Variants in SLC15A4 observed in about 807,000 individuals in gnomAD.
SLC15A4 encodes the protein hPHT1.
SLC15A4 carries 26 observed loss-of-function variants against 46.1 expected under a neutral mutation model. The ratio of observed to expected loss-of-function variants is 0.56; its 90% CI spans 0.41 to 0.78. The LOEUF (loss-of-function observed/expected upper bound fraction) is 0.78, where lower values mean the gene tolerates loss of function less well. Ranked by LOEUF, SLC15A4 falls within the 30% of genes least tolerant of loss-of-function variation. The pLI is 0.00. For synonymous variants in SLC15A4, 370 were observed against 333.4 expected, an observed-to-expected ratio of 1.11 and a Z score of -1.20; for missense variants, 751 against 755.7, an observed-to-expected ratio of 0.99 and a Z score of 0.07.
At chr12:128,796,720 C>G (rs969301959) in intron 7 of SLC15A4, among the ~76,000 whole-genome samples, 8 of 152,366 alleles carry the variant, frequency 5.3e-5, no homozygotes, top group Non-Finnish European at 7.3e-5. Flanking sequence ...TCACTGCTGT[C>G]CCAACACTGG....
chr12:128,814,644 G>A (rs978447160), intron 2 of SLC15A4, 131 bp downstream of exon 2: 6 of 912,058 alleles, frequency 6.6e-6, no homozygotes, highest in Non-Finnish European at 1.0e-5. Flanking sequence ...AGTGTTAAAG[G>A]AGAGAAGACA....
At chr12:128,820,775 G>C (rs766703532) in intron 1 of SLC15A4, among the ~76,000 whole-genome samples, 7 of 152,214 alleles carry the variant, frequency 4.6e-5, no homozygotes, top group Admixed American at 3.9e-4. Context: ...CTCAGTAAAT[G>C]TTCCTAAAAA....
rs910937910 is a variant in SLC15A4 at position 128,814,693 on chromosome 12, C to A, written c.842+82G>T. 9.6e-6 allele frequency: 14 copies of A among 1,457,126 alleles called. No individual in the cohort carries two copies. The South Asian group carries it at 1.8e-4, about 18-fold the overall frequency. 90.3% of individuals were successfully genotyped at this position (1,457,126 alleles called of 1,614,324 possible). A position where few individuals can be genotyped will look rare whatever the true frequency, so the allele number is the denominator to read the frequency against. On this transcript the variant is annotated intron_variant, in intron 2 of 7. Transcript: ENST00000266771. ...GCCCAGGCCCAGCACACAATAAGCA[C>A]ACAACAAACCGAAGCTAGGATGTTA...
intron 1 of SLC15A4, 21 bp from the exon 2 acceptor site, chr12:128,815,091 G>T: frequency 6.3e-7 from 1 of 1,599,368 alleles, no homozygotes; most frequent in Non-Finnish European, 8.6e-7. Flanking sequence ...AGGGAGGAAA[G>T]ACACTTGAAA....
Position 128,794,153 on chromosome 12 carries a change from A to C in SLC15A4, c.*43T>G, listed in dbSNP as rs1385340960. On this transcript the variant is annotated 3_prime_UTR_variant, in exon 8 of 8. Coordinates refer to ENST00000266771, the MANE Select transcript of SLC15A4 (RefSeq NM_145648.4). ...TGTTCTCAGTGCACCCCAGTCAGTTACTGACATGTCAGCCTCAGAAACCGC... is the reference window on the plus strand; with the variant it reads ...TGTTCTCAGTGCACCCCAGTCAGTTCCTGACATGTCAGCCTCAGAAACCGC... The C allele has an allele frequency of 6.4e-7, 1 of 1,567,260 alleles. No homozygotes were observed. Among genetic ancestry groups the C allele is most frequent in the South Asian group, 1.1e-5 (1 of 87,522 alleles).
At chr12:128,799,469 T>A (rs1955489304) in intron 6 of SLC15A4, 52 bp from the exon 7 acceptor site, 1 of 1,597,714 alleles carries the variant, frequency 6.3e-7, no homozygotes, top group Non-Finnish European at 8.6e-7. Context: ...CTTTAACACA[T>A]GGGATCAAAG....
At position 128,823,553 on chromosome 12, in the gene SLC15A4, C is replaced by A; in HGVS notation, c.391G>T (p.Ala131Ser). The A allele has an allele frequency of 6.9e-7, 1 of 1,447,044 alleles. No individual in the cohort carries two copies. Among genetic ancestry groups the A allele is most frequent in the Non-Finnish European group, 9.0e-7 (1 of 1,107,982 alleles). The allele number at this position is 1,447,044 out of a possible 1,614,324, so 89.6% of individuals were successfully genotyped here. Reference protein sequence around the residue: ...PLLAAPATRAALCGSARLLNC... With the variant: ...PLLAAPATRASLCGSARLLNC... Reference sequence around the variant, plus strand: ...AGCAGGCGCGCGGAACCGCAGAGCGCGGCTCGCGTGGCGGGCGCGGCCAGC... The same window carrying A: ...AGCAGGCGCGCGGAACCGCAGAGCGAGGCTCGCGTGGCGGGCGCGGCCAGC... The change falls in exon 1 of 8, where the codon GCG becomes TCG. Residue 131 changes from alanine (A) to serine (S), a missense_variant. Coordinates refer to ENST00000266771, the MANE Select transcript of SLC15A4 (RefSeq NM_145648.4).
intron 6 of SLC15A4, among the ~76,000 whole-genome samples, chr12:128,800,200 A>G (rs1287444011): frequency 1.3e-5 from 2 of 152,126 alleles, no homozygotes; most frequent in East Asian, 3.8e-4. Flanking sequence ...TTTTATAACT[A>G]GACACGGAGA....
At chr12:128,813,271 GACCTGA>G (rs1248969648) in intron 2 of SLC15A4, 3 of 149,566 alleles carry the variant, frequency 2.0e-5, no homozygotes, top group Non-Finnish European at 4.4e-5. Context: ...CTGAAGCCTT[GACCTGA>G]CCTCCTGGGC....
In SLC15A4 at chr12:128,808,877, G is replaced by T; in HGVS notation, c.1169C>A (p.Pro390His). The T allele has an allele frequency of 6.2e-7, 1 of 1,614,152 alleles. No individual in the cohort carries two copies. The highest frequency in any genetic ancestry group is 8.5e-7 in the Non-Finnish European group (1 of 1,180,000). Residue 390 changes from proline (P) to histidine (H), a missense_variant, in exon 5 of 8, where the codon CCC (proline) becomes CAC (histidine). By Grantham distance (77) the Pro-to-His change is moderately conservative. Transcript: ENST00000266771. ...LIPLKDKLVD[P>H]ILRRHGLLPS... The stretch of plus-strand genomic sequence containing the variant: ...GAGCAGGCCATGTCTTCTCAAAATG[G>T]GATCGACCAGTTTGTCCTTCAGAGG...
intron 5 of SLC15A4, among the ~76,000 whole-genome samples, chr12:128,802,975 C>A (rs1211999120): frequency 6.6e-6 from 1 of 152,134 alleles, no homozygotes; most frequent in Non-Finnish European, 1.5e-5. Context: ...GGGAAAATGA[C>A]CCTGCCTGTG....
chr12:128,795,712 C>T (rs1000342730), intron 7 of SLC15A4, among the ~76,000 whole-genome samples: 3 of 152,256 alleles, frequency 2.0e-5, no homozygotes, highest in East Asian at 1.9e-4. Flanking sequence ...AATGTGCAGA[C>T]GTGGGAACGA....
intron 5 of SLC15A4, 34 bp from the exon 6 acceptor site, chr12:128,801,043 T>C: frequency 6.5e-7 from 1 of 1,541,486 alleles, no homozygotes; most frequent in East Asian, 2.3e-5. Context: ...GTAATATTCA[T>C]TTATTAACAT....
intron 7 of SLC15A4, among the ~76,000 whole-genome samples, chr12:128,797,970 T>C (rs142351626): frequency 9.8e-5 from 15 of 152,306 alleles, no homozygotes; most frequent in Middle Eastern, 3.4e-3. Context: ...AGACAGATCC[T>C]GGCCCATCCC....
rs149497931 is a variant in SLC15A4, at chr12:128,800,951, G to A, written c.1317C>T (p.Ile439=). 2,806 of 1,614,124 alleles carry A rather than the reference G, an allele frequency of 1.7e-3. 5 individuals carry two copies. The highest frequency in any genetic ancestry group is 1.6e-3 in the Non-Finnish European group (1,852 of 1,180,002). The change falls in exon 6 of 8, where the codon ATC becomes ATT. Residue 439 remains isoleucine, a synonymous_variant. Transcript: ENST00000266771. ...CGGCAGCATGGTAGACGACGTTGCC[G>A]ATGGTCTGATTAATGGTTTTCTCTT... is the stretch of plus-strand genomic sequence containing the variant. ...LVKEKTINQT[I]GNVVYHAADL... is the part of the protein sequence containing the mutation.
intron 6 of SLC15A4, 35 bp downstream of exon 6, chr12:128,800,819 T>G: frequency 1.9e-6 from 3 of 1,585,678 alleles, no homozygotes; most frequent in Non-Finnish European, 2.6e-6. Context: ...CGCTTGTGCC[T>G]GGACTCAGAC....
intron 7 of SLC15A4, 37 bp from the exon 8 acceptor site, chr12:128,794,393 G>A (rs1359290993): frequency 4.4e-6 from 7 of 1,573,648 alleles, no homozygotes; most frequent in Admixed American, 1.9e-5. Flanking sequence ...GGTAAGCTGC[G>A]CTGCTACAGG....
At chr12:128,800,764 G>T in intron 6 of SLC15A4, 90 bp downstream of exon 6, 1 of 1,354,042 alleles carries the variant, frequency 7.4e-7, no homozygotes, top group Non-Finnish European at 9.9e-7. Context: ...TGCTATCCTT[G>T]TCTCAACATA....
chr12:128,799,141 A>G, intron 7 of SLC15A4, 118 bp downstream of exon 7: 1 of 1,051,826 alleles, frequency 9.5e-7, no homozygotes, highest in Non-Finnish European at 1.4e-6. Context: ...AGCGGTGGAC[A>G]GGCAGCTCGG....
Sources: gnomAD v4.1 joint callset for allele counts (sites outside exome capture counted in the v4.1 genomes callset) on GRCh38, gnomAD v4.1.1 for gene constraint, MANE v1.5 for transcripts, NCBI Gene and HGNC (gene_info 2026-07-23, HGNC 2026-07-21) for gene names.